The following PRKCA variants were observed in gnomAD, a reference collection of about 807,000 sequenced individuals.
PRKCA encodes protein kinase C alpha type.
A neutral mutation model predicts 87.0 loss-of-function variants in PRKCA; 27 were observed. The observed-to-expected ratio is 0.31, with a 90% CI of 0.23 to 0.43. PRKCA has a LOEUF of 0.43. Ranked by LOEUF, PRKCA falls within the 20% of genes least tolerant of loss-of-function variation. The pLI, the probability that PRKCA is intolerant of heterozygous loss-of-function variation, is 1.00. For missense variants in PRKCA, 518 were observed against 852.3 expected (o/e 0.61, Z 4.88); for synonymous variants, 329 against 311.1 (o/e 1.06, Z -0.61).
At chr17:66,580,985 G>A (rs1008941971) in intron 3 of PRKCA, among the ~76,000 whole-genome samples, 6 of 152,094 alleles carry the variant, frequency 3.9e-5, no homozygotes, top group Admixed American at 3.9e-4. Flanking sequence ...GATAACACAA[G>A]TGGAAAGACA....
At chr17:66,496,399 T>G in intron 3 of PRKCA, 116 bp downstream of exon 3, 1 of 816,326 alleles carries the variant, frequency 1.2e-6, no homozygotes, top group Non-Finnish European at 2.0e-6. Context: ...GACTCAATTC[T>G]CATAGAGCGT....
intron 3 of PRKCA, among the ~76,000 whole-genome samples, chr17:66,520,453 C>T (rs1255357354): frequency 6.6e-6 from 1 of 151,842 alleles, no homozygotes; most frequent in Non-Finnish European, 1.5e-5. Context: ...TTTATAGAGT[C>T]AGGGTCTTGC....
intron 13 of PRKCA, among the ~76,000 whole-genome samples, chr17:66,762,818 G>T (rs960220011): frequency 1.3e-5 from 2 of 152,036 alleles, no homozygotes; most frequent in South Asian, 2.1e-4. Context: ...TGTTTTAGAC[G>T]GAGTCTCACT....
intron 5 of PRKCA, among the ~76,000 whole-genome samples, chr17:66,677,990 A>G (rs1475984194): frequency 2.6e-5 from 4 of 152,256 alleles, no homozygotes; most frequent in Non-Finnish European, 5.9e-5. Context: ...TTGTAGTAGG[A>G]TGAATAACCA....
rs1331734907 is a variant in PRKCA at position 66,742,736 on chromosome 17, G to T, written c.1500G>T (p.Gly500=). Residue 500 remains glycine, a synonymous_variant, in exon 13 of 17, where the codon GGG becomes GGT. Coordinates refer to ENST00000413366, the MANE Select transcript of PRKCA (RefSeq NM_002737.3). The part of the protein sequence containing the change: ...MDGVTTRTFC[G]TPDYIAPEII... ...GAGTCACGACCAGGACCTTCTGTGGGACTCCAGATTATATCGCCCCAGAGG... is the reference window on the plus strand; with the variant it reads ...GAGTCACGACCAGGACCTTCTGTGGTACTCCAGATTATATCGCCCCAGAGG... 6.2e-7 allele frequency: 1 copy of T among 1,613,988 alleles called. No homozygotes were observed. Among genetic ancestry groups the T allele is most frequent in the African/African-American group, 1.3e-5 (1 of 74,902 alleles).
chr17:66,728,484 T>G (rs986592668), intron 8 of PRKCA, among the ~76,000 whole-genome samples: 7 of 152,228 alleles, frequency 4.6e-5, no homozygotes, highest in South Asian at 2.1e-4. Flanking sequence ...AGGTGTCTCC[T>G]TTGTGGATAT....
At chr17:66,622,720 G>C (rs774011331) in intron 3 of PRKCA, among the ~76,000 whole-genome samples, 1 of 152,214 alleles carries the variant, frequency 6.6e-6, no homozygotes, top group Non-Finnish European at 1.5e-5. Flanking sequence ...GGCTGGGGAG[G>C]CCTCACAATC....
chr17:66,373,791 A>ATCG (rs1909246435), intron 2 of PRKCA, among the ~76,000 whole-genome samples: 1 of 151,936 alleles, frequency 6.6e-6, no homozygotes, highest in Non-Finnish European at 1.5e-5. Flanking sequence ...TTCATCCTAA[A>ATCG]ATCGGGTAGA....
At chr17:66,406,577 T>G (rs1461834625) in intron 2 of PRKCA, among the ~76,000 whole-genome samples, 1 of 140,934 alleles carries the variant, frequency 7.1e-6, no homozygotes, top group East Asian at 2.2e-4. Context: ...GCATTGTAGC[T>G]TTTCCAGGTT....
intron 3 of PRKCA, among the ~76,000 whole-genome samples, chr17:66,574,791 A>G (rs973127316): frequency 6.6e-6 from 1 of 152,184 alleles, no homozygotes; most frequent in African/African-American, 2.4e-5. Context: ...GGGATACCCA[A>G]CCTGTACTAT....
rs1009750519 is a variant in PRKCA at position 66,582,096 on chromosome 17, C to G, written c.289-59259C>G. Reference sequence around the variant, plus strand: ...GTTGTTAAATATTTTGAATATCACTCTTTGTCATGACATCCTCTCTACTGA... The same window carrying G: ...GTTGTTAAATATTTTGAATATCACTGTTTGTCATGACATCCTCTCTACTGA... On this transcript the variant is annotated intron_variant, in intron 3 of 16. Coordinates refer to ENST00000413366, the MANE Select transcript of PRKCA (RefSeq NM_002737.3). Among the ~76,000 whole-genome samples, 10 of 152,306 alleles carry G rather than the reference C, an allele frequency of 6.6e-5. No individual in the cohort carries two copies. In the East Asian group the frequency reaches 1.9e-3, roughly 29 times the overall value.
chr17:66,606,938 T>TA (rs1970227079), intron 3 of PRKCA, among the ~76,000 whole-genome samples: 2 of 152,148 alleles, frequency 1.3e-5, no homozygotes, highest in African/African-American at 2.4e-5. Flanking sequence ...TAACTTACAG[T>TA]AAAAAACAGG....
intron 3 of PRKCA, among the ~76,000 whole-genome samples, chr17:66,566,479 GGTTTTTTTTT>G (rs1261236566): frequency 1.3e-5 from 1 of 74,702 alleles, no homozygotes; most frequent in Non-Finnish European, 2.8e-5. Context: ...GTTGTTTTTT[GGTTTTTTTTT>G]TTTTTTTTTT....
At chr17:66,450,984 A>G (rs1914282809) in intron 2 of PRKCA, among the ~76,000 whole-genome samples, 2 of 152,196 alleles carry the variant, frequency 1.3e-5, no homozygotes. Context: ...TGTGGGTCTC[A>G]CTCTGTCTCT....
intron 3 of PRKCA, among the ~76,000 whole-genome samples, chr17:66,605,008 C>T (rs1567926403): frequency 6.6e-6 from 1 of 152,144 alleles, no homozygotes; most frequent in Non-Finnish European, 1.5e-5. Context: ...ACATAAGCAT[C>T]CCTTCCTCCA....
intron 8 of PRKCA, among the ~76,000 whole-genome samples, chr17:66,723,609 C>A (rs9910868): frequency 6.7e-6 from 1 of 149,874 alleles, no homozygotes. Flanking sequence ...GCCTGGTGAA[C>A]AGAGTGAGAC....
At chr17:66,327,322 G>A (rs551792228) in intron 2 of PRKCA, among the ~76,000 whole-genome samples, 6 of 139,908 alleles carry the variant, frequency 4.3e-5, no homozygotes, top group Non-Finnish European at 9.2e-5. Context: ...AGGTGAGATC[G>A]AGCCACTGCA....
intron 2 of PRKCA, among the ~76,000 whole-genome samples, chr17:66,487,625 AC>A (rs1916041691): frequency 6.6e-6 from 1 of 152,136 alleles, no homozygotes; most frequent in Non-Finnish European, 1.5e-5. Flanking sequence ...CTACCACTTT[AC>A]ATTCCCACCA....
chr17:66,394,923 C>T (rs183783163), intron 2 of PRKCA, among the ~76,000 whole-genome samples: 8 of 152,268 alleles, frequency 5.3e-5, no homozygotes, highest in East Asian at 3.9e-4. Flanking sequence ...AACTGTGGGT[C>T]GGTTAAACTG....
Sources: allele counts gnomAD v4.1 joint callset (sites outside exome capture counted in the v4.1 genomes callset), GRCh38; gene constraint gnomAD v4.1.1; transcripts MANE v1.5; gene names NCBI Gene and HGNC (gene_info 2026-07-23, HGNC 2026-07-21).